PCDHGA2: variants seen among roughly 807,000 people sequenced by gnomAD.
PCDHGA2 encodes protocadherin gamma subfamily A, 2, also known as protocadherin gamma-A2.
A neutral mutation model predicts 59.2 loss-of-function variants in PCDHGA2; 40 were observed. The observed-to-expected ratio is 0.68, with a 90% CI of 0.52 to 0.88. The LOEUF is 0.88. Among genes scored for constraint, PCDHGA2 ranks in the 40% least tolerant of loss-of-function variants. PCDHGA2 has a pLI of 0.00. For synonymous variants in PCDHGA2, 560 were observed against 526.0 expected (o/e 1.06, Z -0.89); for missense variants, 1,226 against 1,204.0 (o/e 1.02, Z -0.27).
Position 141,356,831 on chromosome 5 carries a change from G to T in PCDHGA2, c.2424+15436G>T, listed in dbSNP as rs763145787. ...GACAGTGGAGACCCTCCACTCAGCA[G>T]CAATGTGTCACTGAGCCTCTTTGTG... On this transcript the variant is annotated intron_variant, in intron 1 of 3. Transcript: ENST00000394576. 40 of 1,614,030 alleles carry T rather than the reference G, an allele frequency of 2.5e-5. No individual in the cohort carries two copies. The highest frequency in any genetic ancestry group is 3.2e-5 in the Non-Finnish European group (38 of 1,180,004).
intron 1 of PCDHGA2, chr5:141,409,290 G>T: frequency 6.2e-7 from 1 of 1,613,974 alleles, no homozygotes; most frequent in Non-Finnish European, 8.5e-7. Flanking sequence ...TCACCTCCAG[G>T]AATGGTTGTT....
chr5:141,341,801 A>G (rs1757089367), intron 1 of PCDHGA2: 1 of 290,620 alleles, frequency 3.4e-6, no homozygotes, highest in South Asian at 6.1e-5. Flanking sequence ...TATGACTCTT[A>G]CTCTATATTT....
intron 1 of PCDHGA2, chr5:141,384,388 CA>C (rs1780036142): frequency 2.5e-6 from 4 of 1,613,934 alleles, no homozygotes; most frequent in Non-Finnish European, 3.4e-6. Flanking sequence ...AGACACCATC[CA>C]GGGGGCTCCA....
intron 1 of PCDHGA2, among the ~76,000 whole-genome samples, chr5:141,453,974 T>C (rs1386640440): frequency 6.6e-6 from 1 of 152,242 alleles, no homozygotes; most frequent in Non-Finnish European, 1.5e-5. Flanking sequence ...CATGTAGTTG[T>C]GTTGCCTTCC....
At chr5:141,366,522 G>C (rs1159035033) in intron 1 of PCDHGA2, 2 of 1,614,158 alleles carry the variant, frequency 1.2e-6, no homozygotes, top group Non-Finnish European at 1.7e-6. Context: ...GAAGGCAGCA[G>C]GTTGGCGGGT....
At chr5:141,352,076 C>A (rs772864846) in intron 1 of PCDHGA2, 2 of 1,604,976 alleles carry the variant, frequency 1.2e-6, no homozygotes, top group Non-Finnish European at 8.5e-7. Flanking sequence ...CCACGTGCTG[C>A]AGGCCAGCGA....
chr5:141,419,010 G>A (rs2096312778), intron 1 of PCDHGA2: 2 of 1,613,866 alleles, frequency 1.2e-6, no homozygotes, highest in Non-Finnish European at 8.5e-7. Flanking sequence ...GAAGTCAGGT[G>A]TAGCTTAAGT....
chr5:141,345,823 A>T, intron 1 of PCDHGA2: 3 of 1,612,304 alleles, frequency 1.9e-6, no homozygotes, highest in Non-Finnish European at 2.5e-6. Flanking sequence ...GTGGACAGAG[A>T]CTCGGGCCAG....
At chr5:141,457,062 T>C (rs1168687034) in intron 1 of PCDHGA2, among the ~76,000 whole-genome samples, 1 of 152,232 alleles carries the variant, frequency 6.6e-6, no homozygotes, top group Non-Finnish European at 1.5e-5. Context: ...GCTTCCTTTT[T>C]GCCAGTAACT....
chr5:141,414,572 C>T, intron 1 of PCDHGA2: 1 of 1,613,960 alleles, frequency 6.2e-7, no homozygotes, highest in Non-Finnish European at 8.5e-7. Context: ...ACCTATATCC[C>T]AGAGAACAAC....
rs752680691 is a variant in PCDHGA2, at chr5:141,433,173, G to A, written c.2425-61634G>A. Reference sequence around the variant, plus strand: ...TCGGTATTTTCTAAAGACAGTCATGGGTTAATTGAGGTGAGTTTATATCAA... The same window carrying A: ...TCGGTATTTTCTAAAGACAGTCATGAGTTAATTGAGGTGAGTTTATATCAA... On this transcript the variant is annotated intron_variant, in intron 1 of 3. Coordinates refer to ENST00000394576, the MANE Select transcript of PCDHGA2 (RefSeq NM_018915.4). 3.1e-6 allele frequency: 5 copies of A among 1,610,344 alleles called. 1 individual carries two copies. In the Middle Eastern group the frequency reaches 5.0e-4, roughly 160 times the overall value.
At chr5:141,344,807 T>A (rs764222927) in intron 1 of PCDHGA2, 109 of 1,613,842 alleles carry the variant, frequency 6.8e-5, no homozygotes, top group Non-Finnish European at 1.9e-5. Flanking sequence ...TGCCTGTGGG[T>A]ACCCGGCTGC....
chr5:141,438,392 ATTAAC>A (rs1296512476), intron 1 of PCDHGA2, among the ~76,000 whole-genome samples: 3 of 151,714 alleles, frequency 2.0e-5, no homozygotes, highest in African/African-American at 7.3e-5. Context: ...TTAGTTCATC[ATTAAC>A]TCTCTGAAGT....
chr5:141,355,498 C>T, intron 1 of PCDHGA2: 2 of 1,614,024 alleles, frequency 1.2e-6, no homozygotes, highest in Middle Eastern at 1.6e-4. Context: ...CGACAGATCT[C>T]CAAACTGTGT....
chr5:141,477,719 T>C lies in PCDHGA2; in HGVS notation c.2425-17088T>C. 6.2e-7 allele frequency: 1 copy of C among 1,613,876 alleles called. No individual in the cohort carries two copies. Among genetic ancestry groups the C allele is most frequent in the Non-Finnish European group, 8.5e-7 (1 of 1,180,028 alleles). ...CTATGAGGATCGGCGGGAATTTGAA[T>C]TAACAGCTCATATCAGCGATGGGGG... On this transcript the variant is annotated intron_variant, in intron 1 of 3. Transcript: ENST00000394576. The surrounding 1 kb of genome is among the most constrained non-coding windows in gnomAD (Gnocchi z 4.9).
At position 141,490,840 on chromosome 5, in the gene PCDHGA2, G is replaced by C. The variant is rs1177428192; in HGVS notation, c.2425-3967G>C. On this transcript the variant is annotated intron_variant, in intron 1 of 3. Transcript: ENST00000394576. This position sits in a 1 kb window ranked among gnomAD's most constrained non-coding sequence, Gnocchi z 5.4. Reference sequence around the variant, plus strand: ...ATTGCTGCAGATGCTGCAGATTGTGGTGGGGGTTCGAGACTCCGGCTCTCC... The same window carrying C: ...ATTGCTGCAGATGCTGCAGATTGTGCTGGGGGTTCGAGACTCCGGCTCTCC... 2 of 1,613,900 alleles carry C rather than the reference G, an allele frequency of 1.2e-6. No homozygotes were observed. Among genetic ancestry groups the C allele is most frequent in the Middle Eastern group, 3.3e-4 (2 of 6,058 alleles).
chr5:141,374,169 C>A, intron 1 of PCDHGA2: 1 of 1,613,236 alleles, frequency 6.2e-7, no homozygotes, highest in African/African-American at 1.3e-5. Context: ...GCCGCGGCAG[C>A]GCAGATCCGC....
chr5:141,374,117 G>A (rs750762308), intron 1 of PCDHGA2: 9 of 1,587,566 alleles, frequency 5.7e-6, no homozygotes, highest in Non-Finnish European at 7.7e-6. Context: ...GCAGCGCAGC[G>A]AGCAGGTCCT....
chr5:141,420,857 C>T (rs1342820721), intron 1 of PCDHGA2, among the ~76,000 whole-genome samples: 1 of 152,220 alleles, frequency 6.6e-6, no homozygotes, highest in Non-Finnish European at 1.5e-5. Context: ...AAAGTTTTAA[C>T]GTCACATAAT....
Sources: gnomAD v4.1 joint callset for allele counts (sites outside exome capture counted in the v4.1 genomes callset) on GRCh38, gnomAD v4.1.1 for gene constraint, Gnocchi (gnomAD v3.1) non-coding constraint, MANE v1.5 for transcripts, NCBI Gene and HGNC (gene_info 2026-07-23, HGNC 2026-07-21) for gene names.